Variants in NLGN4X observed in about 807,000 individuals in gnomAD.
NLGN4X encodes neuroligin-4, X-linked.
A neutral mutation model predicts 40.3 loss-of-function variants in NLGN4X; 3 were observed. The observed-to-expected ratio is 0.07, with a 90% CI of 0.03 to 0.19. NLGN4X has a LOEUF of 0.19. Among genes scored for constraint, NLGN4X ranks in the 10% least tolerant of loss-of-function variants. The pLI is 1.00. For missense variants in NLGN4X, 382 were observed against 708.3 expected (o/e 0.54, Z 5.23); for synonymous variants, 270 against 306.8 (o/e 0.88, Z 1.25).
At chrX:6,061,146 AT>A (rs1199246176) in intron 2 of NLGN4X, among the ~76,000 whole-genome samples, 1 of 111,748 alleles carries the variant, frequency 8.9e-6, no homozygotes, top group African/African-American at 3.3e-5. Context: ...AACAAAAATA[AT>A]TAGTAATAAT....
intron 2 of NLGN4X, among the ~76,000 whole-genome samples, chrX:6,032,233 C>G (rs867046947): frequency 1.1e-5 from 1 of 93,092 alleles, no homozygotes; most frequent in African/African-American, 3.9e-5. Context: ...CAGCCCCCCC[C>G]CCCCCAAAAA....
chrX:6,021,655 G>A (rs767618743), intron 3 of NLGN4X, among the ~76,000 whole-genome samples: 1 of 110,847 alleles, frequency 9.0e-6, no homozygotes, highest in Admixed American at 9.6e-5. Flanking sequence ...GGATTACAGT[G>A]TTTCCAAGTG....
At chrX:5,896,178 T>C (rs761792198) in intron 5 of NLGN4X, among the ~76,000 whole-genome samples, 155 of 111,904 alleles carry the variant, frequency 1.4e-3, no homozygotes, top group Non-Finnish European at 2.6e-3. Context: ...TACAAGGCTA[T>C]TTTCGAAGGA....
intron 2 of NLGN4X, among the ~76,000 whole-genome samples, chrX:6,076,226 C>T (rs1223609748): frequency 3.6e-5 from 4 of 112,341 alleles, no homozygotes; most frequent in African/African-American, 1.3e-4. Flanking sequence ...GAGACAGGCA[C>T]TAGTTACACT....
chrX:6,077,561 C>A (rs773572140), intron 2 of NLGN4X, among the ~76,000 whole-genome samples: 3 of 111,005 alleles, frequency 2.7e-5, no homozygotes, highest in South Asian at 7.7e-4. Context: ...AGTGCTATGA[C>A]TACAGGTGTC....
intron 3 of NLGN4X, among the ~76,000 whole-genome samples, chrX:5,984,678 T>G (rs2035481693): frequency 8.9e-6 from 1 of 112,202 alleles, no homozygotes; most frequent in Admixed American, 9.5e-5. Context: ...ACACTTAAAC[T>G]GACAGCTAAA....
At chrX:6,024,497 T>C (rs2036635289) in intron 3 of NLGN4X, among the ~76,000 whole-genome samples, 1 of 110,586 alleles carries the variant, frequency 9.0e-6, no homozygotes, top group South Asian at 3.9e-4. Flanking sequence ...CCCAAGAAGT[T>C]AGGCATTCTT....
chrX:5,926,822 ACACG>A (rs1296236003), intron 3 of NLGN4X, among the ~76,000 whole-genome samples: 8 of 109,176 alleles, frequency 7.3e-5, no homozygotes, highest in African/African-American at 2.7e-4. Context: ...ACACACACAC[ACACG>A]TTCTTATAGA....
chrX:6,174,259 A>C (rs1223289205), intron 1 of NLGN4X, among the ~76,000 whole-genome samples: 1 of 107,222 alleles, frequency 9.3e-6, no homozygotes, highest in Non-Finnish European at 1.9e-5. Flanking sequence ...TTAAATAGTC[A>C]AAAAAAAAAA....
At chrX:6,066,798 A>G (rs2037929445) in intron 2 of NLGN4X, among the ~76,000 whole-genome samples, 2 of 110,171 alleles carry the variant, frequency 1.8e-5, no homozygotes, top group Admixed American at 9.6e-5. Flanking sequence ...AAACAAACAA[A>G]CAAACAAAAA....
chrX:5,931,559 G>A (rs2033545515), intron 3 of NLGN4X, among the ~76,000 whole-genome samples: 1 of 111,791 alleles, frequency 8.9e-6, no homozygotes, highest in Non-Finnish European at 1.9e-5. Context: ...AAAGTCCAGG[G>A]GCAGGTGGTG....
rs139237154 is a variant in NLGN4X, at chrX:6,151,627, G to C, written c.-161C>G. On this transcript the variant is annotated 5_prime_UTR_variant, in exon 2 of 6. Coordinates refer to ENST00000381095, the MANE Select transcript of NLGN4X (RefSeq NM_181332.3). ...AGACAGAGCCTGAGGTTAAGAACAAGCACAGCCGTTTTCTTGGCAGCCCAT... is the reference window on the plus strand; with the variant it reads ...AGACAGAGCCTGAGGTTAAGAACAACCACAGCCGTTTTCTTGGCAGCCCAT... The C allele has an allele frequency of 6.2e-6, 3 of 483,869 alleles. No homozygotes were observed. The African/African-American group carries it at 7.2e-5, about 12-fold the overall frequency. The allele number at this position is 483,869 out of a possible 1,213,427, so 39.9% of individuals were successfully genotyped here.
intron 1 of NLGN4X, among the ~76,000 whole-genome samples, chrX:6,159,325 G>T: frequency 9.0e-6 from 1 of 111,147 alleles, no homozygotes; most frequent in Non-Finnish European, 1.9e-5. Context: ...CTGTCAGTGG[G>T]TACAATACTA....
At chrX:5,933,110 T>C (rs2033610652) in intron 3 of NLGN4X, among the ~76,000 whole-genome samples, 1 of 110,809 alleles carries the variant, frequency 9.0e-6, no homozygotes. Context: ...AAAAATTTAA[T>C]ACTATAGGCC....
At chrX:6,154,651 GAATTCT>G (rs886692382) in intron 1 of NLGN4X, among the ~76,000 whole-genome samples, 5 of 111,653 alleles carry the variant, frequency 4.5e-5, no homozygotes, top group African/African-American at 1.6e-4. Flanking sequence ...GCTACAAAAT[GAATTCT>G]AAAATTGTTA....
At chrX:6,006,578 A>C (rs962937562) in intron 3 of NLGN4X, among the ~76,000 whole-genome samples, 44 of 111,304 alleles carry the variant, frequency 4.0e-4, no homozygotes, top group African/African-American at 1.4e-3. Flanking sequence ...TTATCATCCT[A>C]AAAACAATTT....
chrX:6,146,060 A>T (rs1188852338), intron 2 of NLGN4X, among the ~76,000 whole-genome samples: 1 of 107,668 alleles, frequency 9.3e-6, no homozygotes, highest in Non-Finnish European at 1.9e-5. Context: ...GGCTGCAGGG[A>T]GCTATGAGTG....
chrX:6,194,173 AC>A (rs1329536332), intron 1 of NLGN4X, among the ~76,000 whole-genome samples: 67 of 111,203 alleles, frequency 6.0e-4, no homozygotes, highest in Admixed American at 2.1e-3. Context: ...ACAGAGCAAG[AC>A]CCTGTCTCCA....
chrX:5,913,205 G>A (rs1438264855), intron 3 of NLGN4X, among the ~76,000 whole-genome samples: 1 of 111,316 alleles, frequency 9.0e-6, no homozygotes, highest in African/African-American at 3.3e-5. Flanking sequence ...TTTGACACCA[G>A]GAATCCTGGT....
Sources: allele counts gnomAD v4.1 joint callset (sites outside exome capture counted in the v4.1 genomes callset), GRCh38; gene constraint gnomAD v4.1.1; transcripts MANE v1.5; gene names NCBI Gene and HGNC (gene_info 2026-07-23, HGNC 2026-07-21).